Variants in TBX3 observed in about 807,000 individuals in gnomAD.
The protein encoded by TBX3 is T-box transcription factor TBX3.
In TBX3, 11 loss-of-function variants were observed where a neutral mutation model predicts 47.8. That is an observed-to-expected ratio of 0.23 (90% confidence interval 0.14 to 0.38). TBX3 has a LOEUF of 0.38. Ranked by LOEUF, TBX3 falls within the 10% of genes least tolerant of loss-of-function variation. TBX3 has a pLI of 1.00. For missense variants in TBX3, 927 were observed against 1,022.8 expected, an observed-to-expected ratio of 0.91 and a Z score of 1.28; for synonymous variants, 500 against 449.3, an observed-to-expected ratio of 1.11 and a Z score of -1.43.
At position 114,680,957 on chromosome 12, in the gene TBX3, A is replaced by C. The variant is rs775176470; in HGVS notation, c.579T>G (p.Thr193=). 6.2e-7 allele frequency: 1 copy of C among 1,614,216 alleles called. No homozygotes were observed. The highest frequency in any genetic ancestry group is 8.5e-7 in the Non-Finnish European group (1 of 1,180,034). Reference sequence around the variant, plus strand: ...CGACTTTGGACATCCACTGTTCCCCAGTAGCGGGGCTGTCCGGGTGAATGT... The same window carrying C: ...CGACTTTGGACATCCACTGTTCCCCCGTAGCGGGGCTGTCCGGGTGAATGT... The part of the protein sequence containing the change: ...RMYIHPDSPA[T]GEQWMSKVVT... The change falls in exon 2 of 7, where the codon ACT becomes ACG. Residue 193 remains threonine, a synonymous_variant. Coordinates refer to ENST00000349155, the MANE Select transcript of TBX3 (RefSeq NM_005996.4).
rs1266886736 is a variant in TBX3, at chr12:114,674,324, A to G, written c.1551T>C (p.Ala517=). 2.5e-6 allele frequency: 4 copies of G among 1,569,626 alleles called. No homozygotes were observed. The East Asian group carries it at 9.5e-5, about 37-fold the overall frequency. The change falls in exon 6 of 7, where the codon GCT becomes GCC. Residue 517 remains alanine (A), a synonymous_variant. Coordinates refer to ENST00000349155, the MANE Select transcript of TBX3 (RefSeq NM_005996.4). ...MGGAFSSMAA[A]GMGPLLATVS... ...CCGTGGCCAGGAGGGGACCCATGCC[A>G]GCGGCCGCCATGCTGGAGAAGGCGC... is the stretch of plus-strand genomic sequence containing the variant.
rs767883253 is a variant in TBX3 at position 114,674,767 on chromosome 12, A to G, written c.1108T>C (p.Cys370Arg). The G allele has an allele frequency of 6.3e-7, 1 of 1,588,196 alleles. No individual in the cohort carries two copies. The highest frequency in any genetic ancestry group is 1.1e-5 in the South Asian group (1 of 88,152). ...ESKEEHGPEA[C>R]DAAKISTTTS... ...GTGGTGGAGATCTTGGCCGCGTCGCAGGCCTCGGGGCCATGCTCCTCTTTG... is the reference window on the plus strand; with the variant it reads ...GTGGTGGAGATCTTGGCCGCGTCGCGGGCCTCGGGGCCATGCTCCTCTTTG... The change falls in exon 6 of 7, where the codon TGC becomes CGC. Residue 370 changes from cysteine to arginine, a missense_variant. Physicochemically the swap from Cys to Arg is radical, Grantham distance 180. This residue lies in a region of TBX3 where 623 missense variants were observed against 569.0 expected (regional missense o/e 1.09). Transcript: ENST00000349155.
At chr12:114,682,656 C>T (rs954177045) in intron 1 of TBX3, among the ~76,000 whole-genome samples, 156 bp downstream of exon 1, 1 of 152,082 alleles carries the variant, frequency 6.6e-6, no homozygotes, top group African/African-American at 2.4e-5. Flanking sequence ...TTTCCTGCCA[C>T]CGGGGCAGGG....
rs1868419837 is a variant in TBX3, at chr12:114,671,488, C to T, written c.*353G>A. The T allele has an allele frequency of 2.5e-6, 1 of 393,004 alleles. No individual in the cohort carries two copies. The highest frequency in any genetic ancestry group is 2.0e-5 in the African/African-American group (1 of 50,682). 24.3% of individuals were successfully genotyped at this position (393,004 alleles called of 1,614,324 possible). ...GTGAAGGAAAAATATATATATAAAT[C>T]CGCACTGAGGGAGATGTCTTTGAAC... is the stretch of plus-strand genomic sequence containing the variant. On this transcript the variant is annotated 3_prime_UTR_variant, in exon 7 of 7. Coordinates refer to ENST00000349155, the MANE Select transcript of TBX3 (RefSeq NM_005996.4).
chr12:114,676,513 A>G (rs2121389319), intron 4 of TBX3, 43 bp from the exon 5 acceptor site: 1 of 1,612,502 alleles, frequency 6.2e-7, no homozygotes, highest in Admixed American at 1.7e-5. Context: ...TGTAACATAC[A>G]TTTCCCCTCT....
At chr12:114,680,743 T>G in intron 2 of TBX3, 136 bp downstream of exon 2, 1 of 1,309,422 alleles carries the variant, frequency 7.6e-7, no homozygotes, top group African/African-American at 1.5e-5. Flanking sequence ...GAATCCTTTT[T>G]CCAGACGAGG....
rs753614292 is a variant in TBX3 at position 114,674,254 on chromosome 12, T to C, written c.1621A>G (p.Met541Val). The C allele has an allele frequency of 7.0e-6, 11 of 1,577,326 alleles. No individual in the cohort carries two copies. Among genetic ancestry groups the C allele is most frequent in the South Asian group, 3.5e-5 (3 of 85,882 alleles). ...CCCTGCGCCGCAGCGGCAGAGGCCA[T>C]GGCCGTGGAATCCAGGCCCGAGACA... ...TGVSGLDSTAMASAAAAQGLS... is the reference protein window; with the variant it reads ...TGVSGLDSTAVASAAAAQGLS... The change falls in exon 6 of 7, where the codon ATG becomes GTG. Residue 541 changes from methionine (M) to valine (V), a missense_variant. Met to Val is a conservative substitution (Grantham distance 21). This residue lies in a region of TBX3 where 623 missense variants were observed against 569.0 expected (regional missense o/e 1.09). Transcript: ENST00000349155.
In TBX3 at chr12:114,674,541, G is replaced by A; in HGVS notation, c.1334C>T (p.Ala445Val). The change falls in exon 6 of 7, where the codon GCC (alanine) becomes GTC (valine). Residue 445 changes from alanine (A) to valine (V), a missense_variant. Ala to Val is a moderately conservative substitution (Grantham distance 64). This residue lies in a region of TBX3 where 623 missense variants were observed against 569.0 expected (regional missense o/e 1.09). Coordinates refer to ENST00000349155, the MANE Select transcript of TBX3 (RefSeq NM_005996.4). Reference protein sequence around the residue: ...RSPVREGTAPAKVEEARALPG... With the variant: ...RSPVREGTAPVKVEEARALPG... ...GAGCGCGCGCGCCTCTTCCACCTTG[G>A]CCGGCGCTGTGCCCTCGCGAACCGG... The A allele has an allele frequency of 6.5e-7, 1 of 1,542,490 alleles. No homozygotes were observed. Among genetic ancestry groups the A allele is most frequent in the Non-Finnish European group, 8.7e-7 (1 of 1,148,468 alleles).
At chr12:114,672,380 C>T (rs537364514) in intron 6 of TBX3, 78 bp from the exon 7 acceptor site, 3 of 1,277,120 alleles carry the variant, frequency 2.3e-6, no homozygotes, top group South Asian at 1.6e-5. Context: ...TCTTCTCCCC[C>T]TCCAACATTG....
rs1868604075 is a variant in TBX3 at position 114,674,453 on chromosome 12, G to A, written c.1422C>T (p.Ala474=). ...VQTDAAAAHL[A]QGPLPGLGFA... Reference sequence around the variant, plus strand: ...AGCCGAGGCCAGGCAGGGGGCCCTGGGCCAGGTGCGCGGCGGCCGCGTCCG... The same window carrying A: ...AGCCGAGGCCAGGCAGGGGGCCCTGAGCCAGGTGCGCGGCGGCCGCGTCCG... The change falls in exon 6 of 7, where the codon GCC becomes GCT. Residue 474 remains alanine, a synonymous_variant. Coordinates refer to ENST00000349155, the MANE Select transcript of TBX3 (RefSeq NM_005996.4). 3.2e-6 allele frequency: 5 copies of A among 1,545,142 alleles called. No homozygotes were observed. The highest frequency in any genetic ancestry group is 1.8e-4 in the Middle Eastern group (1 of 5,614).
intron 4 of TBX3, among the ~76,000 whole-genome samples, chr12:114,676,902 G>A (rs1246906980): frequency 6.6e-6 from 1 of 152,194 alleles, no homozygotes; most frequent in Non-Finnish European, 1.5e-5. Flanking sequence ...AATTTTGGAT[G>A]GTGGCTAAGA....
chr12:114,674,546 C>G lies in TBX3; in HGVS notation c.1329G>C (p.Ala443=), dbSNP rs766042989. The G allele has an allele frequency of 5.8e-6, 9 of 1,548,704 alleles. No homozygotes were observed. The highest frequency in any genetic ancestry group is 5.8e-5 in the Admixed American group (3 of 51,786). The change falls in exon 6 of 7, where the codon GCG becomes GCC. Residue 443 remains alanine, a synonymous_variant. Transcript: ENST00000349155. ...CGCGCGCCTCTTCCACCTTGGCCGG[C>G]GCTGTGCCCTCGCGAACCGGGCTCC... ...ERRSPVREGT[A]PAKVEEARAL...
Position 114,672,145 on chromosome 12 carries a change from T to TAGGGGCTGTAGC in TBX3, c.1856_1867dup (p.Pro622_Tyr623insCysTyrSerPro). ...GTCCGGGACCGGCACCGGGATGGAG[T>TAGGGGCTGTAGC]AGGGGCTGTAGCGCAGCCGCGGGCG... On this transcript the variant is annotated inframe_insertion, in exon 7 of 7. Coordinates refer to ENST00000349155, the MANE Select transcript of TBX3 (RefSeq NM_005996.4). 1 of 1,571,738 alleles carries TAGGGGCTGTAGC rather than the reference T, an allele frequency of 6.4e-7. No homozygotes were observed. The highest frequency in any genetic ancestry group is 8.6e-7 in the Non-Finnish European group (1 of 1,159,276).
Position 114,679,617 on chromosome 12 carries a change from C to A in TBX3, c.692G>T (p.Arg231Leu). Residue 231 changes from arginine to leucine, a missense_variant, in exon 3 of 7, where the codon CGG (arginine) becomes CTG (leucine). Around this residue, in one of 5 missense-constraint regions of TBX3, gnomAD observed 38 missense variants for 77.7 expected, o/e 0.49. Transcript: ENST00000349155. ...GTCATTGGCTCTTACAATGTGGAAC[C>A]GGGGCTGGTATTTGTGCATGGAGTT... ...ILNSMHKYQP[R>L]FHIVRANDIL... is the part of the protein sequence containing the mutation. The A allele has an allele frequency of 6.2e-7, 1 of 1,614,104 alleles. No individual in the cohort carries two copies. Among genetic ancestry groups the A allele is most frequent in the Non-Finnish European group, 8.5e-7 (1 of 1,180,024 alleles).
chr12:114,671,436 ATT>A lies in TBX3; in HGVS notation c.*403_*404del, dbSNP rs761090292. 101 of 286,358 alleles carry A rather than the reference ATT, an allele frequency of 3.5e-4. No homozygotes were observed. The highest frequency in any genetic ancestry group is 5.3e-4 in the Non-Finnish European group (80 of 151,380). 17.7% of individuals were successfully genotyped at this position (286,358 alleles called of 1,614,324 possible). ...CTTGTCCCGATTTTTTTTTTGAAAG[ATT>A]TTGTTTTTGTTTCCACTTGACACAG... On this transcript the variant is annotated 3_prime_UTR_variant, in exon 7 of 7. Transcript: ENST00000349155.
Position 114,672,113 on chromosome 12 carries a change from T to G in TBX3, c.1900A>C (p.Ser634Arg), listed in dbSNP as rs1405449761. ...GAGGGCAGGGCGGTGGTGAGCAGAC[T>G]GCTGCCGTCCGGGACCGGCACCGGG... ...SIPVPVPDGS[S>R]LLTTALPSMA... The change falls in exon 7 of 7, where the codon AGT becomes CGT. Residue 634 changes from serine to arginine, a missense_variant. By Grantham distance (110) the Ser-to-Arg change is moderately radical (BLOSUM62 -1). Transcript: ENST00000349155. The G allele has an allele frequency of 6.4e-7, 1 of 1,569,224 alleles. No individual in the cohort carries two copies.
At position 114,671,082 on chromosome 12, in the gene TBX3, C is replaced by T. The variant is rs1868398388; in HGVS notation, c.*759G>A. 4.8e-6 allele frequency: 1 copy of T among 208,798 alleles called. No homozygotes were observed. The highest frequency in any genetic ancestry group is 9.7e-6 in the Non-Finnish European group (1 of 102,698). 12.9% of individuals were successfully genotyped at this position (208,798 alleles called of 1,614,324 possible). On this transcript the variant is annotated 3_prime_UTR_variant, in exon 7 of 7. Transcript: ENST00000349155. ...TTTTATGTGTTTTGCCCACTCCTTC[C>T]CTTTAAATCCCCCCCTCCCTTGGGT...
rs531444498 is a variant in TBX3, at chr12:114,670,641, A to G, written c.*1200T>C. 1 of 217,646 alleles carries G rather than the reference A, an allele frequency of 4.6e-6. No homozygotes were observed. Among genetic ancestry groups the G allele is most frequent in the East Asian group, 6.9e-5 (1 of 14,490 alleles). 13.5% of individuals were successfully genotyped at this position (217,646 alleles called of 1,614,324 possible). A position where few individuals can be genotyped will look rare whatever the true frequency, so the allele number is the denominator to read the frequency against. On this transcript the variant is annotated 3_prime_UTR_variant, in exon 7 of 7. Transcript: ENST00000349155. ...CACTCCTTCCCCAATTTTGGTGAAA[A>G]TAGGAAATAGCACTTTCCCCCACTT... is the stretch of plus-strand genomic sequence containing the variant.
At chr12:114,682,762 G>A (rs758296167) in intron 1 of TBX3, 50 bp downstream of exon 1, 1 of 1,613,600 alleles carries the variant, frequency 6.2e-7, no homozygotes, top group South Asian at 1.1e-5. Flanking sequence ...AGAAATAAAG[G>A]GAGGAAAAAA....
Sources: gnomAD v4.1 joint callset for allele counts (sites outside exome capture counted in the v4.1 genomes callset) on GRCh38, gnomAD v4.1.1 for gene constraint, gnomAD v4.1.1 regional missense constraint, MANE v1.5 for transcripts, NCBI Gene and HGNC (gene_info 2026-07-23, HGNC 2026-07-21) for gene names.